The following DSCAML1 variants were observed in gnomAD, a reference collection of about 807,000 sequenced individuals.
DSCAML1 encodes DS cell adhesion molecule like 1, also known as cell adhesion molecule DSCAML1.
DSCAML1 carries 38 observed loss-of-function variants against 200.5 expected under a neutral mutation model. The ratio of observed to expected loss-of-function variants is 0.19; its 90% CI spans 0.15 to 0.25. The LOEUF is 0.25. DSCAML1 is among the 10% of genes least tolerant of loss of function. The probability of loss-of-function intolerance (pLI) is 1.00; values close to 1 mark genes in which losing one functional copy is unlikely to be tolerated. For missense variants in DSCAML1, 2,223 were observed against 2,858.8 expected (o/e 0.78, Z 5.07); for synonymous variants, 1,215 against 1,165.0 (o/e 1.04, Z -0.87).
chr11:117,570,027 CAT>C (rs1241137136), intron 3 of DSCAML1, among the ~76,000 whole-genome samples: 2 of 151,972 alleles, frequency 1.3e-5, no homozygotes, highest in Admixed American at 1.3e-4. Flanking sequence ...AGGATGAGGA[CAT>C]GTTTGCCAGG....
intron 1 of DSCAML1, among the ~76,000 whole-genome samples, chr11:117,795,989 G>C (rs2055566036): frequency 6.6e-6 from 1 of 152,228 alleles, no homozygotes; most frequent in Admixed American, 6.5e-5. Flanking sequence ...GAGCGTGTGT[G>C]CTCCACCACG....
intron 18 of DSCAML1, among the ~76,000 whole-genome samples, chr11:117,459,476 G>A (rs551464385): frequency 2.8e-4 from 42 of 152,360 alleles, no homozygotes; most frequent in African/African-American, 1.0e-3. Flanking sequence ...AAGGGGCTGA[G>A]TGACTCATCT....
At chr11:117,806,333 C>G (rs1388861046) in intron 1 of DSCAML1, among the ~76,000 whole-genome samples, 1 of 152,164 alleles carries the variant, frequency 6.6e-6, no homozygotes, top group Non-Finnish European at 1.5e-5. Context: ...CTCAGGAAAG[C>G]CTGACTCTAT....
intron 8 of DSCAML1, among the ~76,000 whole-genome samples, chr11:117,515,072 G>A (rs868037673): frequency 6.6e-5 from 10 of 152,248 alleles, no homozygotes; most frequent in African/African-American, 1.9e-4. Flanking sequence ...AGCCTGCTGC[G>A]ATAGCCCAGG....
chr11:117,780,234 A>AAGAAAGAAAGAAAG lies in DSCAML1; in HGVS notation c.364+245_364+258dup, dbSNP rs1388689529. On this transcript the variant is annotated intron_variant, in intron 2 of 32. Transcript: ENST00000651296. This position sits in a 1 kb window ranked among gnomAD's most constrained non-coding sequence, Gnocchi z 4.8. ...GAGAGAGAGAGAAAGAAAGAAAGGA[A>AAGAAAGAAAGAAAG]AGAAAGAAAGAAAGAAAGAAAGAAA... Among the ~76,000 whole-genome samples, 34 of 52,200 alleles carry AAGAAAGAAAGAAAG rather than the reference A, an allele frequency of 6.5e-4. 3 individuals are homozygous for AAGAAAGAAAGAAAG. The highest frequency in any genetic ancestry group is 2.5e-3 in the African/African-American group (34 of 13,726). 34.2% of individuals were successfully genotyped at this position (52,200 alleles called of 152,430 possible).
chr11:117,720,116 T>C (rs1020538059), intron 3 of DSCAML1, among the ~76,000 whole-genome samples: 8 of 152,040 alleles, frequency 5.3e-5, no homozygotes, highest in African/African-American at 1.9e-4. Flanking sequence ...CCCCACCCTG[T>C]GCCGAGTCAG....
chr11:117,782,959 C>T (rs2055290136), intron 1 of DSCAML1, among the ~76,000 whole-genome samples: 1 of 152,100 alleles, frequency 6.6e-6, no homozygotes, highest in Non-Finnish European at 1.5e-5. Flanking sequence ...CAATCTGGCC[C>T]TACAGTCACT....
intron 3 of DSCAML1, among the ~76,000 whole-genome samples, chr11:117,644,257 C>T (rs2052474568): frequency 6.6e-6 from 1 of 152,234 alleles, no homozygotes; most frequent in Non-Finnish European, 1.5e-5. Flanking sequence ...AGGAAACAAG[C>T]GGATATTTTA....
chr11:117,762,582 G>T (rs61903857), intron 3 of DSCAML1, among the ~76,000 whole-genome samples: 8,646 of 152,184 alleles, frequency 0.057, 341 homozygotes, highest in African/African-American at 0.098. Context: ...ATATATATGG[G>T]CCGGACACAG....
At chr11:117,722,043 G>A (rs747322769) in intron 3 of DSCAML1, among the ~76,000 whole-genome samples, 4 of 151,990 alleles carry the variant, frequency 2.6e-5, no homozygotes, top group African/African-American at 9.7e-5. Flanking sequence ...TATTCTCAGG[G>A]TGACCATTAA....
intron 11 of DSCAML1, among the ~76,000 whole-genome samples, chr11:117,488,660 G>A (rs1291505548): frequency 2.0e-5 from 3 of 152,064 alleles, no homozygotes; most frequent in Non-Finnish European, 2.9e-5. Flanking sequence ...ACCCATGGAC[G>A]GCATTACACA....
rs1555038447 is a variant in DSCAML1, at chr11:117,816,798, T to TGGAGG, written c.-250+591_-250+592insCCTCC. 1.8e-4 allele frequency among the ~76,000 whole-genome samples: 18 copies of TGGAGG among 100,374 alleles called. No homozygotes were observed. The South Asian group carries it at 6.9e-3, about 38-fold the overall frequency. The allele number at this position is 100,374 out of a possible 152,430, so 65.8% of individuals were successfully genotyped here. A position where few individuals can be genotyped will look rare whatever the true frequency, so the allele number is the denominator to read the frequency against. ...TACAAGAGAGAGAGTTCGGAATTGC[T>TGGAGG]GGGGGGGTGGGGTGGAGATTTCTCC... is the stretch of plus-strand genomic sequence containing the variant. On this transcript the variant is annotated intron_variant, in intron 1 of 2. Transcript: ENST00000525836.
At chr11:117,763,250 C>A (rs913668114) in intron 3 of DSCAML1, among the ~76,000 whole-genome samples, 4 of 152,064 alleles carry the variant, frequency 2.6e-5, no homozygotes, top group Non-Finnish European at 2.9e-5. Context: ...TCGAAAACCC[C>A]CAGTGTCCAA....
rs918881546 is a variant in DSCAML1, at chr11:117,498,151, C to G, written c.2359+5694G>C. Among the ~76,000 whole-genome samples the G allele has an allele frequency of 6.6e-6, 1 of 152,200 alleles. No individual in the cohort carries two copies. Among genetic ancestry groups the G allele is most frequent in the Admixed American group, 6.5e-5 (1 of 15,282 alleles). ...GCCCCAGCCCCCAAGGAGCTTCAGT[C>G]TGTGACGAGATAGGACCCACCACCG... On this transcript the variant is annotated intron_variant, in intron 11 of 32. Coordinates refer to ENST00000651296, the MANE Select transcript of DSCAML1 (RefSeq NM_020693.4). The surrounding 1 kb of genome is among the most constrained non-coding windows in gnomAD (Gnocchi z 4.0).
At chr11:117,672,335 TGCTTTGCTAGTG>T (rs1444024862) in intron 3 of DSCAML1, among the ~76,000 whole-genome samples, 1 of 152,126 alleles carries the variant, frequency 6.6e-6, no homozygotes. Context: ...ACATCATCGG[TGCTTTGCTAGTG>T]GCTTTTTCTT....
At chr11:117,574,913 G>A (rs553894412) in intron 3 of DSCAML1, among the ~76,000 whole-genome samples, 8 of 152,268 alleles carry the variant, frequency 5.3e-5, no homozygotes, top group African/African-American at 9.6e-5. Flanking sequence ...AAATCCTGCC[G>A]GGTGTGGTGG....
At chr11:117,535,375 C>T (rs1253091215) in intron 3 of DSCAML1, among the ~76,000 whole-genome samples, 1 of 152,206 alleles carries the variant, frequency 6.6e-6, no homozygotes, top group Non-Finnish European at 1.5e-5. Flanking sequence ...GATGGGCACT[C>T]GGCCATCTGG....
In DSCAML1 at chr11:117,815,944, C is replaced by G. The variant is rs557550118; in HGVS notation, c.-250+1446G>C. ...AAATCTGCCAAAACGGGTTGGGGAG[C>G]TGCCACTCCTGAACATAGCTCGTCC... is the stretch of plus-strand genomic sequence containing the variant. On this transcript the variant is annotated intron_variant, in intron 1 of 2. Coordinates refer to the DSCAML1 transcript ENST00000525836. Among the ~76,000 whole-genome samples, 46 of 152,132 alleles carry G rather than the reference C, an allele frequency of 3.0e-4. 1 individual carries two copies. The highest frequency in any genetic ancestry group is 6.8e-3 in the Middle Eastern group (2 of 292).
At chr11:117,592,819 C>T (rs902692597) in intron 3 of DSCAML1, among the ~76,000 whole-genome samples, 4 of 152,222 alleles carry the variant, frequency 2.6e-5, no homozygotes, top group East Asian at 1.9e-4. Flanking sequence ...ACCTGGCACC[C>T]GGGCAGTCTG....
Sources: gnomAD v4.1 joint callset for allele counts (sites outside exome capture counted in the v4.1 genomes callset) on GRCh38, gnomAD v4.1.1 for gene constraint, Gnocchi (gnomAD v3.1) non-coding constraint, MANE v1.5 for transcripts, NCBI Gene and HGNC (gene_info 2026-07-23, HGNC 2026-07-21) for gene names.